OSBPL3: variants seen among roughly 807,000 people sequenced by gnomAD.
OSBPL3 encodes the protein oxysterol-binding protein-related protein 3.
In OSBPL3, 65 loss-of-function variants were observed where a neutral mutation model predicts 120.1. The ratio of observed to expected loss-of-function variants is 0.54; its 90% CI spans 0.44 to 0.67. The LOEUF is 0.67. OSBPL3 is among the 30% of genes least tolerant of loss of function. The pLI is 0.00. For missense variants in OSBPL3, 1,004 were observed against 1,082.1 expected, an observed-to-expected ratio of 0.93 and a Z score of 1.01; for synonymous variants, 416 against 402.6, an observed-to-expected ratio of 1.03 and a Z score of -0.40.
rs891644925 is a variant in OSBPL3, at chr7:24,819,869, C to G, written c.1948+306G>C. Among the ~76,000 whole-genome samples, 2 of 152,092 alleles carry G rather than the reference C, an allele frequency of 1.3e-5. No homozygotes were observed. The highest frequency in any genetic ancestry group is 2.9e-5 in the Non-Finnish European group (2 of 68,014). ...CTTCAGAAATAAAATTTAAGTTTGACAAAAGCTGAAAACCCCTCTGCTGTC... is the reference window on the plus strand; with the variant it reads ...CTTCAGAAATAAAATTTAAGTTTGAGAAAAGCTGAAAACCCCTCTGCTGTC... On this transcript the variant is annotated intron_variant, in intron 17 of 22. Transcript: ENST00000313367. The surrounding 1 kb of genome is among the most constrained non-coding windows in gnomAD (Gnocchi z 4.1).
At chr7:24,812,170 G>A (rs1270901718) in intron 19 of OSBPL3, among the ~76,000 whole-genome samples, 1 of 151,918 alleles carries the variant, frequency 6.6e-6, no homozygotes, top group Non-Finnish European at 1.5e-5. Flanking sequence ...AGCTGGCTGT[G>A]GTAGTGGGCA....
At chr7:24,858,527 T>G (rs1238613436) in intron 10 of OSBPL3, among the ~76,000 whole-genome samples, 1 of 152,204 alleles carries the variant, frequency 6.6e-6, no homozygotes, top group Non-Finnish European at 1.5e-5. Flanking sequence ...GATCTTTCCC[T>G]CTCTGCAAGT....
Position 24,871,798 on chromosome 7 carries a change from G to T in OSBPL3, c.214-3C>A. ...CCTTTGTCCAGATAGAAGAATCTCT[G>T]TGGGGAAGAAAGTATTATTAATTAA... On this transcript the variant is annotated splice_region_variant and splice_polypyrimidine_tract_variant and intron_variant, in intron 3 of 22. Coordinates refer to ENST00000313367, the MANE Select transcript of OSBPL3 (RefSeq NM_015550.4). The surrounding 1 kb of genome is among the most constrained non-coding windows in gnomAD (Gnocchi z 4.8). 1 of 1,609,160 alleles carries T rather than the reference G, an allele frequency of 6.2e-7. No individual in the cohort carries two copies. Among genetic ancestry groups the T allele is most frequent in the Non-Finnish European group, 8.5e-7 (1 of 1,175,620 alleles).
At chr7:24,929,672 G>A (rs1299226729) in intron 1 of OSBPL3, among the ~76,000 whole-genome samples, 2 of 152,040 alleles carry the variant, frequency 1.3e-5, no homozygotes, top group African/African-American at 2.4e-5. Context: ...CTCCTTGCCT[G>A]CTGCTTCCAA....
intron 13 of OSBPL3, 44 bp downstream of exon 13, chr7:24,842,235 C>A (rs1016672071): frequency 6.3e-7 from 1 of 1,594,982 alleles, no homozygotes; most frequent in Admixed American, 1.7e-5. Flanking sequence ...AGCAAAGCAA[C>A]AAGAGAGATT....
chr7:24,892,228 A>G (rs1805457218), intron 2 of OSBPL3, 149 bp downstream of exon 2: 1 of 626,726 alleles, frequency 1.6e-6, no homozygotes. Flanking sequence ...AATTATACAG[A>G]ATTTACTCTC....
chr7:24,915,773 C>A (rs533169793), intron 1 of OSBPL3, among the ~76,000 whole-genome samples: 2 of 152,140 alleles, frequency 1.3e-5, no homozygotes, highest in African/African-American at 4.8e-5. Flanking sequence ...GGGGTTTCAC[C>A]ATGATGTTGG....
Position 24,972,881 on chromosome 7 carries a change from A to G in OSBPL3, c.-150+7005T>C, listed in dbSNP as rs1215120076. Among the ~76,000 whole-genome samples the G allele has an allele frequency of 1.3e-5, 2 of 152,224 alleles. No homozygotes were observed. The highest frequency in any genetic ancestry group is 6.5e-5 in the Admixed American group (1 of 15,288). ...CTATAATTTTAAAGTTCTTGTAACTATTACAATATTTGATATCAAGACAGG... is the reference window on the plus strand; with the variant it reads ...CTATAATTTTAAAGTTCTTGTAACTGTTACAATATTTGATATCAAGACAGG... On this transcript the variant is annotated intron_variant, in intron 1 of 22. Coordinates refer to ENST00000313367, the MANE Select transcript of OSBPL3 (RefSeq NM_015550.4). This position sits in a 1 kb window ranked among gnomAD's most constrained non-coding sequence, Gnocchi z 4.3.
At chr7:24,812,922 A>G (rs879366019) in intron 19 of OSBPL3, among the ~76,000 whole-genome samples, 2 of 151,858 alleles carry the variant, frequency 1.3e-5, no homozygotes, top group Admixed American at 1.3e-4. Flanking sequence ...TCTGTTCCCC[A>G]GAGTAGAGTG....
rs991305778 is a variant in OSBPL3, at chr7:24,820,790, A to T, written c.1885-552T>A. ...ACCTACAAGAAGACCAATGCAAGGT[A>T]ATTTTTTTAAAAAAGAGTGTTTCTA... On this transcript the variant is annotated intron_variant, in intron 16 of 22. Coordinates refer to ENST00000313367, the MANE Select transcript of OSBPL3 (RefSeq NM_015550.4). This position sits in a 1 kb window ranked among gnomAD's most constrained non-coding sequence, Gnocchi z 4.6. Among the ~76,000 whole-genome samples the T allele has an allele frequency of 2.7e-5, 4 of 146,588 alleles. No homozygotes were observed. Among genetic ancestry groups the T allele is most frequent in the Non-Finnish European group, 4.4e-5 (3 of 67,494 alleles).
rs773196310 is a variant in OSBPL3 at position 24,883,567 on chromosome 7, A to G, written c.96+8810T>C. 4.6e-5 allele frequency among the ~76,000 whole-genome samples: 7 copies of G among 152,148 alleles called. No individual in the cohort carries two copies. The highest frequency in any genetic ancestry group is 6.5e-5 in the Admixed American group (1 of 15,272). ...TGCCCACTGCCAACCATGAATAAAT[A>G]TATTTATTTTCTTAAGGCATCCCAT... On this transcript the variant is annotated intron_variant, in intron 2 of 22. Transcript: ENST00000313367. The surrounding 1 kb of genome is among the most constrained non-coding windows in gnomAD (Gnocchi z 5.4).
rs1435829664 is a variant in OSBPL3, at chr7:24,946,153, C to G, written c.-150+33733G>C. On this transcript the variant is annotated intron_variant, in intron 1 of 22. Transcript: ENST00000313367. This position sits in a 1 kb window ranked among gnomAD's most constrained non-coding sequence, Gnocchi z 4.3. Reference sequence around the variant, plus strand: ...TGTCAGCTGGGAGCTCAGCTGGGAGCTCAGCTGGGGCTGCTGGCTGGGTCA... The same window carrying G: ...TGTCAGCTGGGAGCTCAGCTGGGAGGTCAGCTGGGGCTGCTGGCTGGGTCA... Among the ~76,000 whole-genome samples the G allele has an allele frequency of 7.0e-6, 1 of 142,090 alleles. No homozygotes were observed. Among genetic ancestry groups the G allele is most frequent in the African/African-American group, 2.6e-5 (1 of 38,136 alleles). The allele number at this position is 142,090 out of a possible 152,430, so 93.2% of individuals were successfully genotyped here. A position where few individuals can be genotyped will look rare whatever the true frequency, so the allele number is the denominator to read the frequency against.
rs2128282306 is a variant in OSBPL3, at chr7:24,870,818, T to C, written c.295A>G (p.Ile99Val). ...DIEREKLHGC[I>V]DVGLSVMSVK... ...GACATCACTGAGAGCCCGACATCAA[T>C]GCAGCCATGCAGCTTCTCTCTCTCT... The change falls in exon 5 of 23, where the codon ATT (isoleucine) becomes GTT (valine). Residue 99 changes from isoleucine (I) to valine (V), a missense_variant. Physicochemically the swap from Ile to Val is conservative, Grantham distance 29. Transcript: ENST00000313367. 1 of 1,613,558 alleles carries C rather than the reference T, an allele frequency of 6.2e-7. No individual in the cohort carries two copies. Among genetic ancestry groups the C allele is most frequent in the South Asian group, 1.1e-5 (1 of 91,078 alleles).
Position 24,871,738 on chromosome 7 carries a change from T to A in OSBPL3, c.267+4A>T, listed in dbSNP as rs6952815. The A allele has an allele frequency of 8.1e-6, 13 of 1,610,070 alleles. No individual in the cohort carries two copies. The South Asian group carries it at 1.3e-4, about 16-fold the overall frequency. On this transcript the variant is annotated splice_donor_region_variant and intron_variant, in intron 4 of 22. Transcript: ENST00000313367. The surrounding 1 kb of genome is among the most constrained non-coding windows in gnomAD (Gnocchi z 4.8). ...TACCACAGTGGGCCCACAAAAAGAC[T>A]TACATCGGTTTGGCTCTTGGCATAT...
chr7:24,799,863 T>A lies in OSBPL3; in HGVS notation c.*320A>T, dbSNP rs984810548. On this transcript the variant is annotated 3_prime_UTR_variant, in exon 23 of 23. Transcript: ENST00000313367. This position sits in a 1 kb window ranked among gnomAD's most constrained non-coding sequence, Gnocchi z 5.3. Reference sequence around the variant, plus strand: ...TTATAAGGCATAAATTTAATTGGAATCTTCCCTAACCTTTGGAAAATTAGT... The same window carrying A: ...TTATAAGGCATAAATTTAATTGGAAACTTCCCTAACCTTTGGAAAATTAGT... The A allele has an allele frequency of 1.3e-5, 2 of 156,106 alleles. No homozygotes were observed. Among genetic ancestry groups the A allele is most frequent in the African/African-American group, 4.8e-5 (2 of 41,598 alleles). 9.7% of individuals were successfully genotyped at this position (156,106 alleles called of 1,614,324 possible).
rs1462177846 is a variant in OSBPL3, at chr7:24,953,190, A to C, written c.-150+26696T>G. Reference sequence around the variant, plus strand: ...CTTTTGCTAATAATACTATCTTAAAAGATTAAAGCCTTCACTTAAGTAGTT... The same window carrying C: ...CTTTTGCTAATAATACTATCTTAAACGATTAAAGCCTTCACTTAAGTAGTT... On this transcript the variant is annotated intron_variant, in intron 1 of 22. Transcript: ENST00000313367. The surrounding 1 kb of genome is among the most constrained non-coding windows in gnomAD (Gnocchi z 4.3). Among the ~76,000 whole-genome samples the C allele has an allele frequency of 5.9e-5, 9 of 152,348 alleles. No individual in the cohort carries two copies. The highest frequency in any genetic ancestry group is 3.4e-3 in the Middle Eastern group (1 of 294).
intron 1 of OSBPL3, among the ~76,000 whole-genome samples, chr7:24,969,920 G>A (rs965431146): frequency 3.9e-5 from 6 of 151,982 alleles, no homozygotes; most frequent in African/African-American, 1.2e-4. Context: ...GAGTTACTAT[G>A]GGATTTAGGA....
At position 24,822,316 on chromosome 7, in the gene OSBPL3, G is replaced by A. The variant is rs1795224121; in HGVS notation, c.1885-2078C>T. Among the ~76,000 whole-genome samples, 6 of 152,156 alleles carry A rather than the reference G, an allele frequency of 3.9e-5. No individual in the cohort carries two copies. Among genetic ancestry groups the A allele is most frequent in the Admixed American group, 3.9e-4 (6 of 15,270 alleles). ...ATGGGATCATATAAAACAAAATCAA[G>A]GTGCAGTGGCATAGCCCTGTAATTC... On this transcript the variant is annotated intron_variant, in intron 16 of 22. Transcript: ENST00000313367. This position sits in a 1 kb window ranked among gnomAD's most constrained non-coding sequence, Gnocchi z 5.8.
At position 24,931,843 on chromosome 7, in the gene OSBPL3, T is replaced by C. The variant is rs187028810; in HGVS notation, c.-149-39222A>G. 4.8e-4 allele frequency among the ~76,000 whole-genome samples: 73 copies of C among 152,250 alleles called. 1 individual carries two copies. The highest frequency in any genetic ancestry group is 1.6e-3 in the Admixed American group (24 of 15,300). On this transcript the variant is annotated intron_variant, in intron 1 of 22. Coordinates refer to ENST00000313367, the MANE Select transcript of OSBPL3 (RefSeq NM_015550.4). ...CATTTTCTGATGAACAACAAACACTTGCATCAACAAGACTGATACTGTCTC... is the reference window on the plus strand; with the variant it reads ...CATTTTCTGATGAACAACAAACACTCGCATCAACAAGACTGATACTGTCTC...
Sources: allele counts gnomAD v4.1 joint callset (sites outside exome capture counted in the v4.1 genomes callset), GRCh38; gene constraint gnomAD v4.1.1; non-coding constraint Gnocchi (gnomAD v3.1); transcripts MANE v1.5; gene names NCBI Gene and HGNC (gene_info 2026-07-23, HGNC 2026-07-21).